The following TNS3 variants were observed in gnomAD, a reference collection of about 807,000 sequenced individuals.
TNS3 encodes the protein tensin 3.
Under a neutral mutation model 140.9 loss-of-function variants are expected in TNS3, and 45 were observed. That is an observed-to-expected ratio of 0.32 (90% CI 0.25 to 0.41). The LOEUF (loss-of-function observed/expected upper bound fraction) is 0.41, where lower values mean the gene tolerates loss of function less well. Ranked by LOEUF, TNS3 falls within the 10% of genes least tolerant of loss-of-function variation. TNS3 has a pLI of 1.00. For missense variants in TNS3, 1,716 were observed against 1,906.7 expected (o/e 0.90, Z 1.86); for synonymous variants, 815 against 788.4 (o/e 1.03, Z -0.56).
intron 4 of TNS3, among the ~76,000 whole-genome samples, chr7:47,454,726 C>CA (rs1387584790): frequency 6.6e-6 from 1 of 152,142 alleles, no homozygotes; most frequent in Non-Finnish European, 1.5e-5. Context: ...AAAGTACCCC[C>CA]AATGGGAGTG....
intron 4 of TNS3, among the ~76,000 whole-genome samples, chr7:47,459,431 G>C (rs1796392975): frequency 6.6e-6 from 1 of 152,170 alleles, no homozygotes; most frequent in Non-Finnish European, 1.5e-5. Flanking sequence ...AAAGAGACTT[G>C]AAGTGTCTGG....
chr7:47,479,585 C>T (rs1042176983), intron 4 of TNS3, among the ~76,000 whole-genome samples: 8 of 151,934 alleles, frequency 5.3e-5, no homozygotes, highest in Admixed American at 2.6e-4. Flanking sequence ...GCCAGGCAGG[C>T]GCCCGCCCCG....
intron 1 of TNS3, among the ~76,000 whole-genome samples, chr7:47,537,177 G>A (rs561561831): frequency 6.6e-4 from 100 of 152,130 alleles, no homozygotes; most frequent in African/African-American, 2.4e-3. Context: ...CTCCCCAGCG[G>A]CTATCTGGGG....
chr7:47,566,050 C>T (rs1048771195), intron 1 of TNS3, among the ~76,000 whole-genome samples: 2 of 152,194 alleles, frequency 1.3e-5, no homozygotes, highest in Admixed American at 6.5e-5. Flanking sequence ...AAAGATTAAT[C>T]CAGATGAGTG....
At chr7:47,561,291 T>C (rs145610363) in intron 1 of TNS3, among the ~76,000 whole-genome samples, 13 of 152,236 alleles carry the variant, frequency 8.5e-5, no homozygotes, top group Admixed American at 2.6e-4. Flanking sequence ...TCACACTGCC[T>C]TTGGCCACCA....
intron 4 of TNS3, among the ~76,000 whole-genome samples, chr7:47,472,327 G>A (rs982683051): frequency 6.6e-6 from 1 of 152,194 alleles, no homozygotes; most frequent in Non-Finnish European, 1.5e-5. Flanking sequence ...TGGGATCCGT[G>A]AGAAGGAGGG....
chr7:47,518,186 C>T (rs1798841744), intron 2 of TNS3, among the ~76,000 whole-genome samples: 1 of 152,130 alleles, frequency 6.6e-6, no homozygotes, highest in Non-Finnish European at 1.5e-5. Context: ...GAAGTTAAAC[C>T]CTCCAGACCA....
chr7:47,578,404 T>C (rs1800725603), intron 1 of TNS3, among the ~76,000 whole-genome samples: 1 of 152,078 alleles, frequency 6.6e-6, no homozygotes, highest in Non-Finnish European at 1.5e-5. Flanking sequence ...TTGTGTGCAG[T>C]GCTTCATCCC....
chr7:47,354,818 C>T (rs888863400), intron 17 of TNS3, among the ~76,000 whole-genome samples: 9 of 152,234 alleles, frequency 5.9e-5, no homozygotes, highest in African/African-American at 2.2e-4. Flanking sequence ...CCTCTTGTCG[C>T]GGTGACACGC....
At chr7:47,545,787 A>C (rs1345566132) in intron 1 of TNS3, among the ~76,000 whole-genome samples, 1 of 152,214 alleles carries the variant, frequency 6.6e-6, no homozygotes, top group African/African-American at 2.4e-5. Flanking sequence ...ACTGTGGGTA[A>C]TGAAGCCCTA....
At chr7:47,487,622 G>A (rs1350882345) in intron 3 of TNS3, among the ~76,000 whole-genome samples, 3 of 152,112 alleles carry the variant, frequency 2.0e-5, no homozygotes, top group Non-Finnish European at 4.4e-5. Flanking sequence ...TGCAAAACAA[G>A]TAGAAACTGA....
At chr7:47,411,834 G>A (rs372788124) in intron 12 of TNS3, 32 bp from the exon 13 acceptor site, 1 of 1,599,162 alleles carries the variant, frequency 6.3e-7, no homozygotes. Context: ...AGATCATTAT[G>A]CAACTTCATG....
intron 4 of TNS3, among the ~76,000 whole-genome samples, chr7:47,450,304 A>T (rs896337332): frequency 3.9e-5 from 6 of 152,240 alleles, no homozygotes; most frequent in Non-Finnish European, 7.3e-5. Context: ...GCTCCTTCCC[A>T]AGGTCATAAC....
At chr7:47,329,769 G>A (rs1788233175) in intron 20 of TNS3, among the ~76,000 whole-genome samples, 1 of 152,162 alleles carries the variant, frequency 6.6e-6, no homozygotes, top group African/African-American at 2.4e-5. Context: ...GCATGGGGCA[G>A]CCAGGCCCAG....
chr7:47,361,599 T>C (rs929657082), intron 17 of TNS3, among the ~76,000 whole-genome samples: 1 of 152,212 alleles, frequency 6.6e-6, no homozygotes. Flanking sequence ...TAAAGCGCTC[T>C]TCCAGCTTTC....
rs191987971 is a variant in TNS3, at chr7:47,401,462, A to G, written c.724-548T>C. 2.8e-3 allele frequency among the ~76,000 whole-genome samples: 424 copies of G among 152,290 alleles called. 1 individual carries two copies. Among genetic ancestry groups the G allele is most frequent in the African/African-American group, 9.6e-3 (400 of 41,550 alleles). ...GTAATTTAGAGACAGAGATACAAAGAAGGAGGAAGGGAGAGAGGGAGACAG... is the reference window on the plus strand; with the variant it reads ...GTAATTTAGAGACAGAGATACAAAGGAGGAGGAAGGGAGAGAGGGAGACAG... On this transcript the variant is annotated intron_variant, in intron 13 of 30. Transcript: ENST00000311160.
upstream of TNS3, chr7:47,582,128 C>A (rs1448355361): frequency 6.6e-6 from 1 of 151,618 alleles, no homozygotes; most frequent in Non-Finnish European, 1.5e-5. Context: ...CGGGCGGGCC[C>A]GTCCTCCTGG....
intron 10 of TNS3, among the ~76,000 whole-genome samples, chr7:47,418,483 A>C (rs1794202046): frequency 6.6e-6 from 1 of 152,210 alleles, no homozygotes; most frequent in African/African-American, 2.4e-5. Context: ...AGACCATCCC[A>C]ACAGCCTTAT....
At position 47,316,094 on chromosome 7, in the gene TNS3, TTCTCTCTCTCTCTCTCTCTCTC is replaced by T. The variant is rs56939479; in HGVS notation, c.2651-11113_2651-11092del. Reference sequence around the variant, plus strand: ...TGAGACTATCCACCTAACTAACTATTTCTCTCTCTCTCTCTCTCTCTCTCTCTCTCTCTCTCTCTCTCTCTCT... The same window carrying T: ...TGAGACTATCCACCTAACTAACTATTTCTCTCTCTCTCTCTCTCTCTCTCT... On this transcript the variant is annotated intron_variant, in intron 20 of 30. Coordinates refer to ENST00000311160, the MANE Select transcript of TNS3 (RefSeq NM_022748.12). Among the ~76,000 whole-genome samples, 695 of 105,882 alleles carry T rather than the reference TTCTCTCTCTCTCTCTCTCTCTC, an allele frequency of 6.6e-3. 6 individuals are homozygous for T. Among genetic ancestry groups the T allele is most frequent in the Middle Eastern group, 0.016 (3 of 186 alleles). 69.5% of individuals were successfully genotyped at this position (105,882 alleles called of 152,430 possible).
Sources: gnomAD v4.1 joint callset for allele counts (sites outside exome capture counted in the v4.1 genomes callset) on GRCh38, gnomAD v4.1.1 for gene constraint, MANE v1.5 for transcripts, NCBI Gene and HGNC (gene_info 2026-07-23, HGNC 2026-07-21) for gene names.